Variants in CARM1 observed in about 807,000 individuals in gnomAD.
CARM1 encodes histone-arginine methyltransferase CARM1.
Under a neutral mutation model 72.7 loss-of-function variants are expected in CARM1, and 14 were observed. That is an observed-to-expected ratio of 0.19 (90% CI 0.13 to 0.30). The LOEUF (loss-of-function observed/expected upper bound fraction) is 0.30. Among genes scored for constraint, CARM1 ranks in the 10% least tolerant of loss-of-function variants. CARM1 has a pLI of 1.00. For missense variants in CARM1, 432 were observed against 833.7 expected (o/e 0.52, Z 5.93); for synonymous variants, 333 against 345.5 (o/e 0.96, Z 0.40).
At chr19:10,910,332 T>A (rs977965752) in intron 4 of CARM1, among the ~76,000 whole-genome samples, 14 of 151,700 alleles carry the variant, frequency 9.2e-5, no homozygotes, top group African/African-American at 3.4e-4. Context: ...AATACAAAAA[T>A]TAGCTGGGCG....
intron 1 of CARM1, among the ~76,000 whole-genome samples, chr19:10,886,403 C>G (rs183735629): frequency 6.6e-6 from 1 of 152,194 alleles, no homozygotes; most frequent in East Asian, 1.9e-4. Flanking sequence ...ACCATGTTGC[C>G]TAGGATGCTC....
At chr19:10,885,514 C>G (rs1463820744) in intron 1 of CARM1, among the ~76,000 whole-genome samples, 1 of 152,212 alleles carries the variant, frequency 6.6e-6, no homozygotes, top group Non-Finnish European at 1.5e-5. Flanking sequence ...CTGGCGAGGA[C>G]TGCAGAAAGG....
intron 6 of CARM1, 144 bp downstream of exon 6, chr19:10,914,198 C>A: frequency 2.5e-6 from 2 of 814,848 alleles, no homozygotes; most frequent in Non-Finnish European, 3.8e-6. Context: ...GCTCCCACCC[C>A]AACCCCACTC....
In CARM1 at chr19:10,921,620, T is replaced by C. The variant is rs759208786; in HGVS notation, c.1690T>C (p.Ser564Pro). 6 of 1,611,002 alleles carry C rather than the reference T, an allele frequency of 3.7e-6. No individual in the cohort carries two copies. Among genetic ancestry groups the C allele is most frequent in the South Asian group, 1.1e-5 (1 of 90,928 alleles). The change falls in exon 16 of 16, where the codon TCC becomes CCC. Residue 564 changes from serine (S) to proline (P), a missense_variant. Coordinates refer to ENST00000327064, the MANE Select transcript of CARM1 (RefSeq NM_199141.2). ...TGCCATTGCCTGCTCCACAGGGTCC[T>C]CCGGCGCCCAGGGCAGTGGTGGTGG... ...IMSTGIVQGS[S>P]GAQGSGGGST...
intron 2 of CARM1, among the ~76,000 whole-genome samples, chr19:10,907,656 C>T (rs1246925200): frequency 6.6e-6 from 1 of 152,154 alleles, no homozygotes; most frequent in Non-Finnish European, 1.5e-5. Context: ...TGTCTGCTGC[C>T]CCCACACAGA....
At chr19:10,879,650 T>C (rs2073887477) in intron 1 of CARM1, among the ~76,000 whole-genome samples, 1 of 152,124 alleles carries the variant, frequency 6.6e-6, no homozygotes, top group Non-Finnish European at 1.5e-5. Flanking sequence ...TCTCGCCCTG[T>C]CACCCAGGCT....
At chr19:10,891,124 C>T (rs1273577305) in intron 1 of CARM1, among the ~76,000 whole-genome samples, 1 of 150,810 alleles carries the variant, frequency 6.6e-6, no homozygotes, top group African/African-American at 2.4e-5. Context: ...TCGGTGGCTC[C>T]TTCTCTCGAC....
chr19:10,906,090 C>T (rs2074101864), intron 2 of CARM1, among the ~76,000 whole-genome samples: 2 of 151,412 alleles, frequency 1.3e-5, no homozygotes, highest in South Asian at 4.2e-4. Context: ...GCTGGGACTA[C>T]ACGTGTGTGC....
chr19:10,889,877 G>GC (rs2073968551), intron 1 of CARM1, among the ~76,000 whole-genome samples: 1 of 152,136 alleles, frequency 6.6e-6, no homozygotes. Flanking sequence ...ATGGAATGAA[G>GC]CCCCCCATCC....
At chr19:10,895,444 C>T (rs1490885201) in intron 1 of CARM1, among the ~76,000 whole-genome samples, 1 of 152,222 alleles carries the variant, frequency 6.6e-6, no homozygotes, top group Admixed American at 6.5e-5. Context: ...GTCCCCCTGA[C>T]CCAGGTCTAA....
intron 1 of CARM1, among the ~76,000 whole-genome samples, chr19:10,875,282 C>G (rs1163297207): frequency 6.6e-6 from 1 of 152,028 alleles, no homozygotes; most frequent in Non-Finnish European, 1.5e-5. Context: ...GCAGCGAAAC[C>G]CAAGTCCCTG....
At chr19:10,908,184 G>A (rs767680667) in intron 3 of CARM1, 39 bp downstream of exon 3, 27 of 1,389,986 alleles carry the variant, frequency 1.9e-5, no homozygotes, top group South Asian at 2.3e-5. Flanking sequence ...GCCTCCCCCC[G>A]GCAGCCCCCC....
chr19:10,885,377 G>A (rs535215807), intron 1 of CARM1, among the ~76,000 whole-genome samples: 5 of 152,180 alleles, frequency 3.3e-5, no homozygotes, highest in African/African-American at 1.2e-4. Flanking sequence ...GTCGTTGGCA[G>A]GTCTTTCTCC....
rs1454567995 is a variant in CARM1 at position 10,871,865 on chromosome 19, G to A, written c.163G>A (p.Ala55Thr). ...GATCCAGCGGCACGCGGAGCAGCAG[G>A]CGCTGCGCCTCGAGGTGCGCGCCGG... ...GEIQRHAEQQALRLEVRAGPD... is the reference protein window; with the variant it reads ...GEIQRHAEQQTLRLEVRAGPD... Residue 55 changes from alanine (A) to threonine (T), a missense_variant, in exon 1 of 16, where the codon GCG becomes ACG. Physicochemically the swap from Ala to Thr is moderately conservative, Grantham distance 58 (BLOSUM62 0). Around this residue, in one of 3 missense-constraint regions of CARM1, gnomAD observed 138 missense variants for 192.3 expected, o/e 0.72. Transcript: ENST00000327064. The surrounding 1 kb of genome is among the most constrained non-coding windows in gnomAD (Gnocchi z 5.6). The A allele has an allele frequency of 7.8e-7, 1 of 1,285,956 alleles. No homozygotes were observed. Among genetic ancestry groups the A allele is most frequent in the Non-Finnish European group, 9.9e-7 (1 of 1,010,606 alleles). The allele number at this position is 1,285,956 out of a possible 1,614,324, so 79.7% of individuals were successfully genotyped here.
chr19:10,908,963 G>C (rs577170134), intron 3 of CARM1, 140 bp from the exon 4 acceptor site: 14 of 574,762 alleles, frequency 2.4e-5, no homozygotes, highest in East Asian at 9.3e-5. Flanking sequence ...AGCTGCTAGT[G>C]GGGCCCAGGC....
chr19:10,895,834 C>T (rs1298401488), intron 1 of CARM1, among the ~76,000 whole-genome samples: 1 of 152,128 alleles, frequency 6.6e-6, no homozygotes, highest in Non-Finnish European at 1.5e-5. Flanking sequence ...AATGAGCTGC[C>T]AGGCAGTGAG....
chr19:10,905,125 A>G (rs775742627), intron 2 of CARM1, 49 bp downstream of exon 2: 1 of 1,600,932 alleles, frequency 6.2e-7, no homozygotes, highest in Non-Finnish European at 8.5e-7. Context: ...AAGCGCCCAG[A>G]GCCCTGGTGG....
intron 1 of CARM1, among the ~76,000 whole-genome samples, chr19:10,872,727 AC>A (rs1320809360): frequency 6.6e-6 from 1 of 150,522 alleles, no homozygotes; most frequent in Non-Finnish European, 1.5e-5. Context: ...AGCACCCCCC[AC>A]CCCCGCTCCC....
intron 1 of CARM1, among the ~76,000 whole-genome samples, chr19:10,884,377 C>G (rs960404557): frequency 6.6e-6 from 1 of 151,546 alleles, no homozygotes; most frequent in East Asian, 1.9e-4. Flanking sequence ...TAGAGATGGG[C>G]TCTCTAGTAT....
Sources: allele counts gnomAD v4.1 joint callset (sites outside exome capture counted in the v4.1 genomes callset), GRCh38; gene constraint gnomAD v4.1.1; regional missense constraint gnomAD v4.1.1; non-coding constraint Gnocchi (gnomAD v3.1); transcripts MANE v1.5; gene names NCBI Gene and HGNC (gene_info 2026-07-23, HGNC 2026-07-21).